FOXM1: variants seen among roughly 807,000 people sequenced by gnomAD.
The protein encoded by FOXM1 is forkhead box protein M1.
A neutral mutation model predicts 63.6 loss-of-function variants in FOXM1; 25 were observed. The observed-to-expected ratio is 0.39, with a 90% confidence interval of 0.29 to 0.55. FOXM1 has a LOEUF of 0.55. FOXM1 is among the 20% of genes least tolerant of loss of function. FOXM1 has a pLI of 0.60. For synonymous variants in FOXM1, 387 were observed against 376.9 expected (o/e 1.03, Z -0.31); for missense variants, 879 against 958.7 (o/e 0.92, Z 1.10).
intron 2 of FOXM1, among the ~76,000 whole-genome samples, chr12:2,873,708 G>C (rs1244684436): frequency 6.6e-6 from 1 of 151,930 alleles, no homozygotes; most frequent in Non-Finnish European, 1.5e-5. Flanking sequence ...CTCCAGAGTA[G>C]CTGGGACTAC....
At position 2,859,114 on chromosome 12, in the gene FOXM1, G is replaced by T; in HGVS notation, c.1816C>A (p.Leu606Met). 1 of 1,606,004 alleles carries T rather than the reference G, an allele frequency of 6.2e-7. No homozygotes were observed. ...TTGCTCGGGGTGGAGGAGATGGGCA[G>T]CGTTTCCTTAATGGGTGTCTTAAAA... Reference protein sequence around the residue: ...GPFKTPIKETLPISSTPSKSV... With the variant: ...GPFKTPIKETMPISSTPSKSV... The change falls in exon 9 of 9, where the codon CTG becomes ATG. Residue 606 changes from leucine to methionine, a missense_variant. Leu to Met is a conservative substitution (Grantham distance 15, BLOSUM62 2). Coordinates refer to ENST00000359843, the MANE Select transcript of FOXM1 (RefSeq NM_021953.4).
chr12:2,868,747 T>C lies in FOXM1; in HGVS notation c.662A>G (p.Glu221Gly). 1 of 1,611,786 alleles carries C rather than the reference T, an allele frequency of 6.2e-7. No individual in the cohort carries two copies. The highest frequency in any genetic ancestry group is 8.5e-7 in the Non-Finnish European group (1 of 1,179,026). ...CCAGGACGCTGATGGTCTCGAAGGC[T>C]CCTCAACCTGAGGGTTATGACACAG... ...HLEQRQVKVE[E>G]PSRPSASWQN... The change falls in exon 4 of 9, where the codon GAG becomes GGG. Residue 221 changes from glutamate to glycine, a missense_variant. Physicochemically the swap from Glu to Gly is moderately conservative, Grantham distance 98. This residue lies in a region of FOXM1 where 255 missense variants were observed against 292.4 expected (regional missense o/e 0.87). Transcript: ENST00000359843.
At chr12:2,862,309 T>C (rs116731530) in intron 8 of FOXM1, among the ~76,000 whole-genome samples, 6,791 of 152,164 alleles carry the variant, frequency 0.045, 527 homozygotes, top group African/African-American at 0.16. Flanking sequence ...ACTAAGAGCA[T>C]TGATAAAATA....
intron 6 of FOXM1, among the ~76,000 whole-genome samples, 189 bp downstream of exon 6, chr12:2,865,166 C>T (rs1410279302): frequency 6.6e-6 from 1 of 152,144 alleles, no homozygotes. Flanking sequence ...CTTGTGATGC[C>T]CATGGAAGGG....
Position 2,864,339 on chromosome 12 carries a change from CGCTT to C in FOXM1, c.1243_1246del (p.Lys415GlufsTer10), listed in dbSNP as rs1423890640. 6.2e-7 allele frequency: 1 copy of C among 1,613,250 alleles called. No individual in the cohort carries two copies. The highest frequency in any genetic ancestry group is 2.2e-5 in the East Asian group (1 of 44,848). On this transcript the variant is annotated frameshift_variant, in exon 8 of 9. Transcript: ENST00000359843. LOFTEE classifies it high-confidence loss of function. The surrounding 1 kb of genome is among the most constrained non-coding windows in gnomAD (Gnocchi z 5.1). Reference sequence around the variant, plus strand: ...ACCCACCTTGGGGGCAATGCGGACTCGCTTGCTATGGCGGGCAAGCTCTGAGCTC... The same window carrying C: ...ACCCACCTTGGGGGCAATGCGGACTCGCTATGGCGGGCAAGCTCTGAGCTC...
chr12:2,863,081 T>C (rs2098116856), intron 8 of FOXM1, among the ~76,000 whole-genome samples: 5 of 151,968 alleles, frequency 3.3e-5, no homozygotes, highest in Admixed American at 2.6e-4. Flanking sequence ...CAAGCAGGGG[T>C]GATTCCCTCC....
At position 2,873,988 on chromosome 12, in the gene FOXM1, C is replaced by T. The variant is rs765695581; in HGVS notation, c.491G>A (p.Arg164Gln). 7.4e-6 allele frequency: 12 copies of T among 1,611,976 alleles called. No homozygotes were observed. Among genetic ancestry groups the T allele is most frequent in the African/African-American group, 4.0e-5 (3 of 74,866 alleles). Residue 164 changes from arginine to glutamine, a missense_variant, in exon 2 of 9, where the codon CGG becomes CAG. Coordinates refer to ENST00000359843, the MANE Select transcript of FOXM1 (RefSeq NM_021953.4). ...RPPGALCEQK[R>Q]ETCADGEAAG... ...GGAAGACCACATACCACAGGTCTCCCGTTTCTGCTCGCAAAGGGCTCCAGG... is the reference window on the plus strand; with the variant it reads ...GGAAGACCACATACCACAGGTCTCCTGTTTCTGCTCGCAAAGGGCTCCAGG...
chr12:2,867,242 A>G (rs1174847084), intron 4 of FOXM1, among the ~76,000 whole-genome samples: 1 of 151,984 alleles, frequency 6.6e-6, no homozygotes, highest in Non-Finnish European at 1.5e-5. Flanking sequence ...AGGCAGGAGG[A>G]GTGCTTGAGA....
In FOXM1 at chr12:2,864,611, C is replaced by T. The variant is rs75587013; in HGVS notation, c.1090+72G>A. On this transcript the variant is annotated intron_variant, in intron 7 of 8. Coordinates refer to ENST00000359843, the MANE Select transcript of FOXM1 (RefSeq NM_021953.4). The surrounding 1 kb of genome is among the most constrained non-coding windows in gnomAD (Gnocchi z 5.1). ...ATCCCTTTGAGGTGGGAACAGAATC[C>T]CAGAGTCTGGTTCCCTAAAGATATG... is the stretch of plus-strand genomic sequence containing the variant. The T allele has an allele frequency of 3.8e-6, 6 of 1,595,084 alleles. No homozygotes were observed. The highest frequency in any genetic ancestry group is 5.2e-6 in the Non-Finnish European group (6 of 1,163,426).
At chr12:2,867,475 C>T (rs1006848716) in intron 4 of FOXM1, among the ~76,000 whole-genome samples, 6 of 151,998 alleles carry the variant, frequency 3.9e-5, no homozygotes, top group Non-Finnish European at 8.8e-5. Flanking sequence ...GGAAAGTAAG[C>T]TGATGGAAGG....
rs375005500 is a variant in FOXM1, at chr12:2,859,503, G to A, written c.1427C>T (p.Pro476Leu). ...PGEEMPHLAR[P>L]IKVESPPLEE... ...CAAGGGAGGGCTCTCCACTTTGATG[G>A]GTCTCGCTAAGTGTGGCATTTCCTC... Residue 476 changes from proline (P) to leucine (L), a missense_variant, in exon 9 of 9, where the codon CCC becomes CTC. Physicochemically the swap from Pro to Leu is moderately conservative, Grantham distance 98 (BLOSUM62 -3). Transcript: ENST00000359843. The A allele has an allele frequency of 1.2e-6, 2 of 1,613,952 alleles. No homozygotes were observed. The highest frequency in any genetic ancestry group is 1.6e-4 in the Middle Eastern group (1 of 6,062).
rs1398700699 is a variant in FOXM1 at position 2,868,555 on chromosome 12, C to T, written c.846+8G>A. The stretch of plus-strand genomic sequence containing the variant: ...GACCTTGATTTTGGTTGCTGTGGGA[C>T]ACATTACCTTCCAGCCTGGCTTGGC... On this transcript the variant is annotated splice_region_variant and intron_variant, in intron 4 of 8. Coordinates refer to ENST00000359843, the MANE Select transcript of FOXM1 (RefSeq NM_021953.4). The T allele has an allele frequency of 1.2e-6, 2 of 1,600,920 alleles. No individual in the cohort carries two copies. The highest frequency in any genetic ancestry group is 1.3e-5 in the African/African-American group (1 of 74,806).
chr12:2,864,828 C>G lies in FOXM1; in HGVS notation c.1021-76G>C. ...TAAAGAGGGGATGGCAAAACCCCACCAGCTGCTCTGGTGGTGTGTGCTTGA... is the reference window on the plus strand; with the variant it reads ...TAAAGAGGGGATGGCAAAACCCCACGAGCTGCTCTGGTGGTGTGTGCTTGA... On this transcript the variant is annotated intron_variant, in intron 6 of 8. Transcript: ENST00000359843. This position sits in a 1 kb window ranked among gnomAD's most constrained non-coding sequence, Gnocchi z 5.1. 1 of 1,484,846 alleles carries G rather than the reference C, an allele frequency of 6.7e-7. No homozygotes were observed. The highest frequency in any genetic ancestry group is 9.4e-7 in the Non-Finnish European group (1 of 1,063,116). 92.0% of individuals were successfully genotyped at this position (1,484,846 alleles called of 1,614,324 possible). A position where few individuals can be genotyped will look rare whatever the true frequency, so the allele number is the denominator to read the frequency against.
Position 2,874,545 on chromosome 12 carries a change from G to C in FOXM1, c.-47-20C>G. The C allele has an allele frequency of 6.7e-7, 1 of 1,485,902 alleles. No homozygotes were observed. Among genetic ancestry groups the C allele is most frequent in the Non-Finnish European group, 9.0e-7 (1 of 1,108,776 alleles). The allele number at this position is 1,485,902 out of a possible 1,614,324, so 92.0% of individuals were successfully genotyped here. A position where few individuals can be genotyped will look rare whatever the true frequency, so the allele number is the denominator to read the frequency against. ...TGGACCCTGGAAAATGCAAATAGTG[G>C]CAAGATGTTAGAGATTGTTTAGGCT... On this transcript the variant is annotated intron_variant, in intron 1 of 8. Transcript: ENST00000359843. This position sits in a 1 kb window ranked among gnomAD's most constrained non-coding sequence, Gnocchi z 4.3.
chr12:2,874,261 G>C lies in FOXM1; in HGVS notation c.218C>G (p.Thr73Arg). The change falls in exon 2 of 9, where the codon ACG (threonine) becomes AGG (arginine). Residue 73 changes from threonine to arginine, a missense_variant. Around this residue, in one of 4 missense-constraint regions of FOXM1, gnomAD observed 255 missense variants for 292.4 expected, o/e 0.87. Coordinates refer to ENST00000359843, the MANE Select transcript of FOXM1 (RefSeq NM_021953.4). This position sits in a 1 kb window ranked among gnomAD's most constrained non-coding sequence, Gnocchi z 4.3. ...KIINHPTMPN[T>R]QVVAIPNNAN... ...ATTGTTGGGGATGGCCACTACTTGC[G>C]TGTTGGGCATGGTGGGGTGGTTAAT... is the stretch of plus-strand genomic sequence containing the variant. The C allele has an allele frequency of 6.2e-7, 1 of 1,614,174 alleles. No homozygotes were observed. The highest frequency in any genetic ancestry group is 8.5e-7 in the Non-Finnish European group (1 of 1,180,038).
intron 2 of FOXM1, among the ~76,000 whole-genome samples, chr12:2,873,101 C>T (rs1422508870): frequency 3.3e-5 from 5 of 151,972 alleles, no homozygotes; most frequent in Non-Finnish European, 7.4e-5. Context: ...TCTCCTTTAT[C>T]AAGAAGGAAA....
At chr12:2,865,467 G>A (rs116999607) in intron 5 of FOXM1, 68 bp from the exon 6 acceptor site, 112 of 1,346,850 alleles carry the variant, frequency 8.3e-5, no homozygotes, top group Non-Finnish European at 1.1e-4. Context: ...CAATTTGACC[G>A]GATTGGGAAA....
chr12:2,865,528 C>A, intron 5 of FOXM1, 129 bp from the exon 6 acceptor site: 1 of 640,014 alleles, frequency 1.6e-6, no homozygotes, highest in East Asian at 3.1e-5. Context: ...ACTGCCCCTC[C>A]CAGGAGAATG....
At chr12:2,869,810 C>A (rs1490903759) in intron 3 of FOXM1, among the ~76,000 whole-genome samples, 1 of 150,040 alleles carries the variant, frequency 6.7e-6, no homozygotes, top group Non-Finnish European at 1.5e-5. Flanking sequence ...TGGCCTAGAA[C>A]TTACGGGCTC....
Sources: gnomAD v4.1 joint callset for allele counts (sites outside exome capture counted in the v4.1 genomes callset) on GRCh38, gnomAD v4.1.1 for gene constraint, gnomAD v4.1.1 regional missense constraint, Gnocchi (gnomAD v3.1) non-coding constraint, MANE v1.5 for transcripts, NCBI Gene and HGNC (gene_info 2026-07-23, HGNC 2026-07-21) for gene names.